Variants in SLC28A2 observed in about 807,000 individuals in gnomAD.
The protein encoded by SLC28A2 is solute carrier family 28 member 2.
SLC28A2 carries 69 observed loss-of-function variants against 72.9 expected under a neutral mutation model. The observed-to-expected ratio is 0.95, with a 90% CI of 0.78 to 1.16. The LOEUF is 1.16. SLC28A2 is among the 50% of genes most tolerant of loss of function. SLC28A2 has a pLI of 0.00. For missense variants in SLC28A2, 745 were observed against 791.1 expected, an observed-to-expected ratio of 0.94 and a Z score of 0.70; for synonymous variants, 296 against 294.1, an observed-to-expected ratio of 1.01 and a Z score of -0.07.
chr15:45,262,592 G>C (rs1415667959), intron 4 of SLC28A2, among the ~76,000 whole-genome samples: 1 of 152,204 alleles, frequency 6.6e-6, no homozygotes, highest in Non-Finnish European at 1.5e-5. Context: ...ATTATATTTT[G>C]GGATGAGTAA....
At chr15:45,262,915 T>C in intron 4 of SLC28A2, 146 bp from the exon 5 acceptor site, 1 of 628,378 alleles carries the variant, frequency 1.6e-6, no homozygotes, top group Non-Finnish European at 2.8e-6. Flanking sequence ...CCTCAAGAAG[T>C]GCAGTTCTGT....
chr15:45,262,144 T>G, intron 4 of SLC28A2, 38 bp downstream of exon 4: 2 of 1,457,588 alleles, frequency 1.4e-6, no homozygotes, highest in Non-Finnish European at 1.9e-6. Context: ...AGAAACACAG[T>G]TATTTTAGAA....
At chr15:45,272,174 T>G (rs571118319) in intron 15 of SLC28A2, 121 bp from the exon 16 acceptor site, 136 of 721,210 alleles carry the variant, frequency 1.9e-4, no homozygotes, top group Middle Eastern at 5.2e-4. Context: ...TGGATGGTAA[T>G]AAGGATGCTC....
At chr15:45,265,286 A>T (rs1900297615) in intron 8 of SLC28A2, 120 bp downstream of exon 8, 1 of 761,824 alleles carries the variant, frequency 1.3e-6, no homozygotes, top group African/African-American at 1.7e-5. Flanking sequence ...CCCTAACAAG[A>T]GGGTTTAACC....
intron 1 of SLC28A2, among the ~76,000 whole-genome samples, chr15:45,252,873 C>G (rs1029780206): frequency 2.0e-5 from 3 of 152,160 alleles, no homozygotes; most frequent in Non-Finnish European, 4.4e-5. Context: ...TTTGAGGGTC[C>G]AAGTAGGAAC....
rs1900769881 is a variant in SLC28A2 at position 45,276,917 on chromosome 15, T to C, written c.*1404T>C. ...CCATTACTTTGTTGTAGTATTCTGCTTTAGTGCTAGCCACATTTGCTCCAA... is the reference window on the plus strand; with the variant it reads ...CCATTACTTTGTTGTAGTATTCTGCCTTAGTGCTAGCCACATTTGCTCCAA... On this transcript the variant is annotated 3_prime_UTR_variant, in exon 18 of 18. Coordinates refer to ENST00000347644, the MANE Select transcript of SLC28A2 (RefSeq NM_004212.4). 2 of 152,176 alleles carry C rather than the reference T, an allele frequency of 1.3e-5. No homozygotes were observed. Among genetic ancestry groups the C allele is most frequent in the South Asian group, 4.1e-4 (2 of 4,834 alleles). The allele number at this position is 152,176 out of a possible 1,614,324, so 9.4% of individuals were successfully genotyped here. A position where few individuals can be genotyped will look rare whatever the true frequency, so the allele number is the denominator to read the frequency against.
chr15:45,260,945 G>A (rs1403723928), intron 3 of SLC28A2, among the ~76,000 whole-genome samples: 2 of 152,212 alleles, frequency 1.3e-5, no homozygotes, highest in African/African-American at 4.8e-5. Flanking sequence ...AGAAGGGACA[G>A]GAGGGGATGG....
chr15:45,269,488 C>G lies in SLC28A2; in HGVS notation c.1519C>G (p.Leu507Val). 6.2e-7 allele frequency: 1 copy of G among 1,614,154 alleles called. No individual in the cohort carries two copies. Among genetic ancestry groups the G allele is most frequent in the Non-Finnish European group, 8.5e-7 (1 of 1,180,016 alleles). Residue 507 changes from leucine to valine, a missense_variant, in exon 14 of 18, where the codon CTC (leucine) becomes GTC (valine). Physicochemically the swap from Leu to Val is conservative, Grantham distance 32. Coordinates refer to ENST00000347644, the MANE Select transcript of SLC28A2 (RefSeq NM_004212.4). ...ACTGTCTCAATACAAGAACAAACGT[C>G]TCTCTGGAATGGAGGAGTGGATTGA... Reference protein sequence around the residue: ...QQLSQYKNKRLSGMEEWIEGE... With the variant: ...QQLSQYKNKRVSGMEEWIEGE...
chr15:45,270,344 C>A, intron 15 of SLC28A2, 68 bp downstream of exon 15: 1 of 1,042,976 alleles, frequency 9.6e-7, no homozygotes, highest in Non-Finnish European at 1.5e-6. Flanking sequence ...GTGGGCAGTC[C>A]TGGTGCTTCA....
At position 45,263,062 on chromosome 15, in the gene SLC28A2, C is replaced by T. The variant is rs750771019; in HGVS notation, c.264C>T (p.Ala88=). Residue 88 remains alanine, a splice_region_variant and synonymous_variant, in exon 5 of 18, where the codon GCC becomes GCT. Coordinates refer to ENST00000347644, the MANE Select transcript of SLC28A2 (RefSeq NM_004212.4). ...KKILLGLLCL[A]YAAYLLAACI... is the part of the protein sequence containing the mutation. ...TTACTCTGCTTCTTCTCTTTTTAGC[C>T]TATGCTGCCTATCTCCTGGCAGCTT... The T allele has an allele frequency of 1.9e-6, 3 of 1,610,998 alleles. No individual in the cohort carries two copies. The African/African-American group carries it at 4.0e-5, about 22-fold the overall frequency.
intron 10 of SLC28A2, 85 bp from the exon 11 acceptor site, chr15:45,267,370 G>T (rs1900369381): frequency 2.8e-6 from 4 of 1,430,614 alleles, no homozygotes; most frequent in East Asian, 2.3e-5. Flanking sequence ...GTATCTAGTG[G>T]GTCCAGCCCC....
rs1900750768 is a variant in SLC28A2, at chr15:45,276,224, G to GC, written c.*712dup. ...AAATCATCATTCTCAGTAAACTATC[G>GC]CAAGGACAAAAAACCAAACACCACA... On this transcript the variant is annotated 3_prime_UTR_variant, in exon 18 of 18. Coordinates refer to ENST00000347644, the MANE Select transcript of SLC28A2 (RefSeq NM_004212.4). 6.6e-6 allele frequency: 1 copy of GC among 151,878 alleles called. No individual in the cohort carries two copies. Among genetic ancestry groups the GC allele is most frequent in the Admixed American group, 6.6e-5 (1 of 15,246 alleles). 9.4% of individuals were successfully genotyped at this position (151,878 alleles called of 1,614,324 possible).
At chr15:45,272,649 A>G (rs1315727468) in intron 16 of SLC28A2, 24 bp from the exon 17 acceptor site, 3 of 1,285,364 alleles carry the variant, frequency 2.3e-6, no homozygotes, top group African/African-American at 1.5e-5. Context: ...TCTTCCCCTT[A>G]GTACCTCTGT....
chr15:45,266,963 T>C (rs1900357659), intron 10 of SLC28A2, among the ~76,000 whole-genome samples: 1 of 152,204 alleles, frequency 6.6e-6, no homozygotes, highest in African/African-American at 2.4e-5. Flanking sequence ...ATGGCTTACA[T>C]AGATGGCCCT....
intron 3 of SLC28A2, chr15:45,255,381 G>A (rs1256872965): frequency 1.3e-5 from 2 of 152,122 alleles, no homozygotes; most frequent in Non-Finnish European, 2.9e-5. Flanking sequence ...TAAAAGATAA[G>A]GTAGTAAATA....
At position 45,267,704 on chromosome 15, in the gene SLC28A2, C is replaced by G. The variant is rs567873558; in HGVS notation, c.1107C>G (p.Ala369=). The change falls in exon 12 of 18, where the codon GCC becomes GCG. Residue 369 remains alanine (A), a synonymous_variant. Coordinates refer to ENST00000347644, the MANE Select transcript of SLC28A2 (RefSeq NM_004212.4). Reference sequence around the variant, plus strand: ...CCCTGATTTCTGCCTCTGTGATGGCCGCCCCTTGTGCTCTCGCCTCATCAA... The same window carrying G: ...CCCTGATTTCTGCCTCTGTGATGGCGGCCCCTTGTGCTCTCGCCTCATCAA... ...ASSLISASVM[A]APCALASSKL... 5.6e-6 allele frequency: 9 copies of G among 1,614,020 alleles called. No individual in the cohort carries two copies. The East Asian group carries it at 1.1e-4, about 20-fold the overall frequency.
intron 15 of SLC28A2, among the ~76,000 whole-genome samples, chr15:45,271,523 C>G (rs1284394228): frequency 6.7e-6 from 1 of 149,760 alleles, no homozygotes; most frequent in Non-Finnish European, 1.5e-5. Flanking sequence ...GATTGCACCA[C>G]TGCACTCCGG....
rs1900315193 is a variant in SLC28A2, at chr15:45,265,802, A to T, written c.861+139A>T. 7 of 704,278 alleles carry T rather than the reference A, an allele frequency of 9.9e-6. 1 individual carries two copies. Among genetic ancestry groups the T allele is most frequent in the African/African-American group, 3.5e-5 (2 of 57,354 alleles). 43.6% of individuals were successfully genotyped at this position (704,278 alleles called of 1,614,324 possible). A position where few individuals can be genotyped will look rare whatever the true frequency, so the allele number is the denominator to read the frequency against. On this transcript the variant is annotated intron_variant, in intron 9 of 17. Transcript: ENST00000347644. Reference sequence around the variant, plus strand: ...GGCCCTCTCAAGCATGCCTGATAGCAAACTGTCAGCCGAGGCCCTAGGTAG... The same window carrying T: ...GGCCCTCTCAAGCATGCCTGATAGCTAACTGTCAGCCGAGGCCCTAGGTAG...
At chr15:45,273,169 A>G (rs1485624551) in intron 17 of SLC28A2, among the ~76,000 whole-genome samples, 1 of 152,168 alleles carries the variant, frequency 6.6e-6, no homozygotes, top group African/African-American at 2.4e-5. Context: ...TCTATTTTAT[A>G]TTAATTAAAA....
Sources: gnomAD v4.1 joint callset for allele counts (sites outside exome capture counted in the v4.1 genomes callset) on GRCh38, gnomAD v4.1.1 for gene constraint, MANE v1.5 for transcripts, NCBI Gene and HGNC (gene_info 2026-07-23, HGNC 2026-07-21) for gene names.